Variants in NFIA observed in about 807,000 individuals in gnomAD.
NFIA encodes the protein nuclear factor I A.
In NFIA, 8 loss-of-function variants were observed where a neutral mutation model predicts 62.8. The observed-to-expected ratio is 0.13, with a 90% CI of 0.07 to 0.23. The LOEUF is 0.23. NFIA is among the 10% of genes least tolerant of loss of function. The pLI, the probability that NFIA is intolerant of heterozygous loss-of-function variation, is 1.00. For missense variants in NFIA, 410 were observed against 642.1 expected (o/e 0.64, Z 3.91); for synonymous variants, 235 against 238.1 (o/e 0.99, Z 0.12).
Position 61,115,284 on chromosome 1 carries a change from A to G in NFIA, c.559+26604A>G, listed in dbSNP as rs553693575. 2.4e-4 allele frequency among the ~76,000 whole-genome samples: 37 copies of G among 152,238 alleles called. 2 individuals are homozygous for G. The highest frequency in any genetic ancestry group is 6.8e-3 in the Middle Eastern group (2 of 294). On this transcript the variant is annotated intron_variant, in intron 2 of 10. Transcript: ENST00000403491. ...GTGTGAGCTACTGCACCCAGCCGCA[A>G]ATATATATTGATAACTTACTGGAAG...
chr1:61,251,619 G>A (rs890001268), intron 2 of NFIA, among the ~76,000 whole-genome samples: 17 of 152,200 alleles, frequency 1.1e-4, no homozygotes, highest in Admixed American at 8.5e-4. Context: ...GTACAATCAC[G>A]TGAAAACTGA....
intron 2 of NFIA, among the ~76,000 whole-genome samples, chr1:61,255,488 A>G (rs1232706975): frequency 6.6e-6 from 1 of 152,222 alleles, no homozygotes; most frequent in East Asian, 1.9e-4. Flanking sequence ...ATAAGTCCGA[A>G]TTTAGAAAGA....
chr1:61,290,992 G>T (rs1169343100), intron 3 of NFIA, among the ~76,000 whole-genome samples: 1 of 152,144 alleles, frequency 6.6e-6, no homozygotes, highest in Non-Finnish European at 1.5e-5. Flanking sequence ...CTATTATTTA[G>T]CAAAGATGGT....
chr1:61,157,646 A>G (rs557897825), intron 2 of NFIA, among the ~76,000 whole-genome samples: 1 of 152,314 alleles, frequency 6.6e-6, no homozygotes, highest in Non-Finnish European at 1.5e-5. Context: ...TTTAAGGGAA[A>G]AGCCACAGCA....
intron 2 of NFIA, among the ~76,000 whole-genome samples, chr1:61,218,756 T>C (rs1480089337): frequency 2.0e-5 from 3 of 152,198 alleles, no homozygotes; most frequent in Non-Finnish European, 4.4e-5. Flanking sequence ...TGATGGATCA[T>C]TTGTGAAACC....
chr1:61,313,727 C>T (rs906136973), intron 3 of NFIA, among the ~76,000 whole-genome samples: 6 of 152,154 alleles, frequency 3.9e-5, no homozygotes, highest in Admixed American at 2.6e-4. Flanking sequence ...TAGATGTGCA[C>T]ATCAGGAATT....
chr1:61,289,769 T>A (rs146649962), intron 3 of NFIA, among the ~76,000 whole-genome samples: 1 of 152,310 alleles, frequency 6.6e-6, no homozygotes, highest in East Asian at 1.9e-4. Context: ...TTATTTCTTA[T>A]CTCATCTTCC....
chr1:61,256,628 A>T (rs1349029933), intron 2 of NFIA, among the ~76,000 whole-genome samples: 1 of 152,122 alleles, frequency 6.6e-6, no homozygotes, highest in Admixed American at 6.5e-5. Flanking sequence ...TTCTACCTTT[A>T]TACTGCTATT....
At chr1:61,334,272 G>A (rs1254771502) in intron 4 of NFIA, among the ~76,000 whole-genome samples, 1 of 151,940 alleles carries the variant, frequency 6.6e-6, no homozygotes, top group Non-Finnish European at 1.5e-5. Flanking sequence ...GGAAGAGAGA[G>A]GTTGCTGCCA....
At chr1:61,254,393 C>A (rs1052752105) in intron 2 of NFIA, among the ~76,000 whole-genome samples, 1 of 152,044 alleles carries the variant, frequency 6.6e-6, no homozygotes, top group African/African-American at 2.4e-5. Flanking sequence ...CTGTAGTTAG[C>A]AAAATACAAG....
intron 6 of NFIA, among the ~76,000 whole-genome samples, chr1:61,367,838 A>C (rs1466311929): frequency 7.6e-6 from 1 of 131,190 alleles, no homozygotes; most frequent in Non-Finnish European, 1.7e-5. Context: ...TACATATATA[A>C]TAAAGCATGA....
chr1:61,240,558 CATG>C (rs1655286751), intron 2 of NFIA, among the ~76,000 whole-genome samples: 1 of 151,702 alleles, frequency 6.6e-6, no homozygotes, highest in East Asian at 1.9e-4. Flanking sequence ...CCCATACTGA[CATG>C]ATATTAAATA....
At chr1:61,436,913 A>G (rs1667353517) in intron 10 of NFIA, among the ~76,000 whole-genome samples, 1 of 152,232 alleles carries the variant, frequency 6.6e-6, no homozygotes, top group South Asian at 2.1e-4. Context: ...CTAATGAGTC[A>G]CATGAGCTTG....
At chr1:61,448,496 A>G (rs1394976888) in intron 10 of NFIA, among the ~76,000 whole-genome samples, 1 of 152,028 alleles carries the variant, frequency 6.6e-6, no homozygotes, top group Non-Finnish European at 1.5e-5. Flanking sequence ...GAACCCAGCT[A>G]CCCCTGGCTT....
chr1:61,220,218 A>G (rs1190260916), intron 2 of NFIA, among the ~76,000 whole-genome samples: 1 of 152,112 alleles, frequency 6.6e-6, no homozygotes, highest in Non-Finnish European at 1.5e-5. Flanking sequence ...TTTGTTTTCA[A>G]AACCCATGAG....
intron 9 of NFIA, 73 bp from the exon 10 acceptor site, chr1:61,426,392 T>A: frequency 1.0e-6 from 1 of 995,502 alleles, no homozygotes; most frequent in Non-Finnish European, 1.6e-6. Flanking sequence ...GCTCGGAGAC[T>A]GTGTGTTTTG....
chr1:61,149,016 A>G (rs1648211385), intron 2 of NFIA, among the ~76,000 whole-genome samples: 1 of 151,310 alleles, frequency 6.6e-6, no homozygotes, highest in Non-Finnish European at 1.5e-5. Context: ...AGTGCATGCC[A>G]CCATGCCTGG....
chr1:61,247,019 C>T (rs551283902), intron 2 of NFIA, among the ~76,000 whole-genome samples: 4 of 152,196 alleles, frequency 2.6e-5, no homozygotes, highest in Non-Finnish European at 4.4e-5. Flanking sequence ...CTTTTTTGAC[C>T]GTTTGTCTCA....
rs191844076 is a variant in NFIA, at chr1:61,177,857, T to G, written c.559+89177T>G. ...ACATTTGCAAACTTTATTTTTTGCC[T>G]TTTCTCCCACACAGTAGCCACTCTT... On this transcript the variant is annotated intron_variant, in intron 2 of 10. Coordinates refer to ENST00000403491, the MANE Select transcript of NFIA (RefSeq NM_001134673.4). Among the ~76,000 whole-genome samples the G allele has an allele frequency of 1.5e-3, 224 of 152,272 alleles. 1 individual carries two copies. The highest frequency in any genetic ancestry group is 3.5e-3 in the Admixed American group (54 of 15,302).
Sources: gnomAD v4.1 joint callset for allele counts (sites outside exome capture counted in the v4.1 genomes callset) on GRCh38, gnomAD v4.1.1 for gene constraint, MANE v1.5 for transcripts, NCBI Gene and HGNC (gene_info 2026-07-23, HGNC 2026-07-21) for gene names.